Variants in STARD13 observed in about 807,000 individuals in gnomAD.
STARD13 encodes the protein StAR related lipid transfer domain containing 13, also known as stAR-related lipid transfer protein 13.
A neutral mutation model predicts 106.4 loss-of-function variants in STARD13; 62 were observed. The ratio of observed to expected loss-of-function variants is 0.58; its 90% CI spans 0.48 to 0.72. The LOEUF is 0.72. Among genes scored for constraint, STARD13 ranks in the 30% least tolerant of loss-of-function variants. The pLI is 0.00. For missense variants in STARD13, 1,387 were observed against 1,424.0 expected (o/e 0.97, Z 0.42); for synonymous variants, 565 against 553.0 (o/e 1.02, Z -0.31).
intron 1 of STARD13, among the ~76,000 whole-genome samples, chr13:33,183,142 A>T (rs373283991): frequency 1.7e-4 from 26 of 152,266 alleles, no homozygotes; most frequent in South Asian, 8.3e-4. Flanking sequence ...TCACACATTC[A>T]TTATGGTCCT....
chr13:33,619,877 A>G, the STARD13 span, among the ~76,000 whole-genome samples: 1 of 152,158 alleles, frequency 6.6e-6, no homozygotes, highest in East Asian at 1.9e-4. Flanking sequence ...AGCCTGGCCG[A>G]CATGGTGAAA....
chr13:33,399,622 AC>A, the STARD13 span, among the ~76,000 whole-genome samples: 5 of 143,036 alleles, frequency 3.5e-5, no homozygotes, highest in African/African-American at 1.3e-4. Flanking sequence ...AATGGCATGA[AC>A]CCGGGAGGTG....
intron 1 of STARD13, among the ~76,000 whole-genome samples, chr13:33,269,210 T>G (rs1432861964): frequency 6.6e-6 from 1 of 152,184 alleles, no homozygotes; most frequent in African/African-American, 2.4e-5. Flanking sequence ...CCCTTTTCCC[T>G]AAAAACTACC....
At chr13:33,587,895 A>T in the STARD13 span, among the ~76,000 whole-genome samples, 1 of 152,256 alleles carries the variant, frequency 6.6e-6, no homozygotes, top group Non-Finnish European at 1.5e-5. Flanking sequence ...TATATTGATC[A>T]CATGTTGAAA....
chr13:33,586,729 A>AG, the STARD13 span, among the ~76,000 whole-genome samples: 1 of 145,018 alleles, frequency 6.9e-6, no homozygotes, highest in African/African-American at 2.7e-5. Flanking sequence ...CACTGTGATG[A>AG]GGGGTGATCA....
chr13:33,456,950 T>C, the STARD13 span, among the ~76,000 whole-genome samples: 1 of 152,390 alleles, frequency 6.6e-6, no homozygotes, highest in South Asian at 2.1e-4. Context: ...CTAAAACATT[T>C]ACTATCTGGC....
intron 1 of STARD13, among the ~76,000 whole-genome samples, chr13:33,273,627 T>G (rs1384415279): frequency 2.6e-5 from 4 of 152,200 alleles, no homozygotes; most frequent in African/African-American, 9.6e-5. Flanking sequence ...TCAACAAATA[T>G]GAAGAATATT....
chr13:33,407,716 G>T, the STARD13 span, among the ~76,000 whole-genome samples: 1 of 152,294 alleles, frequency 6.6e-6, no homozygotes, highest in African/African-American at 2.4e-5. Context: ...TCAAATCACA[G>T]CCAGGAGCTG....
At chr13:33,400,609 C>T in the STARD13 span, among the ~76,000 whole-genome samples, 126 of 152,186 alleles carry the variant, frequency 8.3e-4, 4 homozygotes, top group East Asian at 0.018. Flanking sequence ...TACAGGCGCC[C>T]GCCACCATGC....
the STARD13 span, among the ~76,000 whole-genome samples, chr13:33,396,036 G>GAGGTGA: frequency 2.6e-5 from 4 of 151,826 alleles, no homozygotes; most frequent in East Asian, 7.7e-4. Context: ...TTTTTTGGTA[G>GAGGTGA]AGGTGAGGTC....
At position 33,200,817 on chromosome 13, in the gene STARD13, T is replaced by G. The variant is rs561502665; in HGVS notation, c.170-33195A>C. 4.6e-5 allele frequency among the ~76,000 whole-genome samples: 7 copies of G among 151,170 alleles called. No homozygotes were observed. In the East Asian group the frequency reaches 9.7e-4, roughly 21 times the overall value. ...TGGGCAGATCACGAGGTCAGGAGAT[T>G]GAGACCATCCTGGCTAACACGGTGA... On this transcript the variant is annotated intron_variant, in intron 1 of 13. Transcript: ENST00000336934.
At position 33,130,101 on chromosome 13, in the gene STARD13, C is replaced by T. The variant is rs1878047959; in HGVS notation, c.576G>A (p.Glu192=). ...SSESVLTDLS[E]PEVCSIHSES... is the part of the protein sequence containing the mutation. The stretch of plus-strand genomic sequence containing the variant: ...CGCTGTGAATGGAGCAGACCTCAGG[C>T]TCGCTCAGGTCTGTGAGGACGCTCT... The change falls in exon 5 of 14, where the codon GAG becomes GAA. Residue 192 remains glutamate (E), a synonymous_variant. Coordinates refer to ENST00000336934, the MANE Select transcript of STARD13 (RefSeq NM_178006.4). The surrounding 1 kb of genome is among the most constrained non-coding windows in gnomAD (Gnocchi z 4.1). 2 of 1,613,992 alleles carry T rather than the reference C, an allele frequency of 1.2e-6. No homozygotes were observed. The highest frequency in any genetic ancestry group is 2.2e-5 in the East Asian group (1 of 44,892).
At chr13:33,119,479 C>T (rs1448725189) in intron 7 of STARD13, among the ~76,000 whole-genome samples, 1 of 152,158 alleles carries the variant, frequency 6.6e-6, no homozygotes, top group Non-Finnish European at 1.5e-5. Flanking sequence ...CCGGCCTCCA[C>T]CCAAGTTCGG....
At position 33,285,459 on chromosome 13, in the gene STARD13, C is replaced by T. The variant is rs1892007356; in HGVS notation, c.169+11G>A. On this transcript the variant is annotated intron_variant, in intron 1 of 13. Transcript: ENST00000336934. ...AGAATGAGCAACAGCCTTCCACTGC[C>T]GGCCACTCACCTTGTTGAATTTTAG... is the stretch of plus-strand genomic sequence containing the variant. The T allele has an allele frequency of 2.5e-6, 4 of 1,609,902 alleles. No homozygotes were observed. The highest frequency in any genetic ancestry group is 3.3e-5 in the Admixed American group (2 of 59,712).
intron 4 of STARD13, among the ~76,000 whole-genome samples, chr13:33,135,156 T>C (rs1235785550): frequency 6.6e-6 from 1 of 152,182 alleles, no homozygotes; most frequent in Non-Finnish European, 1.5e-5. Context: ...GGGTGGACAA[T>C]TGAAAGAACT....
intron 1 of STARD13, among the ~76,000 whole-genome samples, chr13:33,303,598 A>T (rs1313650718): frequency 1.3e-5 from 2 of 152,214 alleles, no homozygotes; most frequent in African/African-American, 4.8e-5. Context: ...AAAGAGCCTG[A>T]AGTCACACAA....
chr13:33,224,469 A>T (rs1888517755), intron 1 of STARD13, among the ~76,000 whole-genome samples: 1 of 152,244 alleles, frequency 6.6e-6, no homozygotes, highest in African/African-American at 2.4e-5. Context: ...AGTGAGGCTC[A>T]GCCCATATTA....
chr13:33,617,879 C>T, the STARD13 span, among the ~76,000 whole-genome samples: 1 of 152,134 alleles, frequency 6.6e-6, no homozygotes, highest in African/African-American at 2.4e-5. Context: ...GGAATATGTT[C>T]TCTCAAGGAA....
At chr13:33,460,245 T>A in the STARD13 span, among the ~76,000 whole-genome samples, 6 of 152,036 alleles carry the variant, frequency 3.9e-5, no homozygotes, top group Non-Finnish European at 8.8e-5. Flanking sequence ...CCCAGCACTT[T>A]GGGAGGCCAA....
Sources: allele counts gnomAD v4.1 joint callset (sites outside exome capture counted in the v4.1 genomes callset), GRCh38; gene constraint gnomAD v4.1.1; non-coding constraint Gnocchi (gnomAD v3.1); transcripts MANE v1.5; gene names NCBI Gene and HGNC (gene_info 2026-07-23, HGNC 2026-07-21).